Variants in RUBCNL observed in about 807,000 individuals in gnomAD.
The protein encoded by RUBCNL is protein associated with UVRAG as autophagy enhancer.
RUBCNL carries 62 observed loss-of-function variants against 69.5 expected under a neutral mutation model. The observed-to-expected ratio is 0.89, with a 90% CI of 0.73 to 1.10. RUBCNL has a LOEUF of 1.10. Ranked by LOEUF, RUBCNL falls within the 50% of genes least tolerant of loss-of-function variation. RUBCNL has a pLI of 0.00. For synonymous variants in RUBCNL, 291 were observed against 303.6 expected, an observed-to-expected ratio of 0.96 and a Z score of 0.43; for missense variants, 768 against 798.1, an observed-to-expected ratio of 0.96 and a Z score of 0.45.
chr13:46,356,576 A>G (rs998728628), intron 9 of RUBCNL, 80 bp from the exon 10 acceptor site: 1 of 1,211,280 alleles, frequency 8.3e-7, no homozygotes. Context: ...AGAAATTGCC[A>G]TCGTGATACT....
intron 1 of RUBCNL, chr13:46,385,355 C>A (rs1428157740): frequency 1.5e-6 from 1 of 647,314 alleles, no homozygotes; most frequent in Admixed American, 6.3e-5. Context: ...GGAAGATACA[C>A]AATATGACTA....
At chr13:46,344,127 T>C (rs1445820465) in intron 14 of RUBCNL, among the ~76,000 whole-genome samples, 1 of 152,132 alleles carries the variant, frequency 6.6e-6, no homozygotes, top group East Asian at 1.9e-4. Flanking sequence ...CAGAGTCTCT[T>C]TGCTGGGGAG....
At chr13:46,350,061 C>A in intron 11 of RUBCNL, 52 bp downstream of exon 11, 1 of 1,358,258 alleles carries the variant, frequency 7.4e-7, no homozygotes, top group South Asian at 1.3e-5. Context: ...ATGTGCATTT[C>A]CTGCCACAGG....
rs1037561035 is a variant in RUBCNL, at chr13:46,336,421, C to A, written c.*6964G>T. ...TTTGTCATTAGTTTAAATGATCTAT[C>A]ATTTATTTAAAATGATATCTAGTCT... On this transcript the variant is annotated 3_prime_UTR_variant, in exon 15 of 15. Coordinates refer to ENST00000429979, the MANE Select transcript of RUBCNL (RefSeq NM_025113.5). Among the ~76,000 whole-genome samples, 3 of 152,038 alleles carry A rather than the reference C, an allele frequency of 2.0e-5. No homozygotes were observed. Among genetic ancestry groups the A allele is most frequent in the African/African-American group, 4.8e-5 (2 of 41,358 alleles).
chr13:46,363,836 G>A (rs574918279), intron 5 of RUBCNL, among the ~76,000 whole-genome samples: 1 of 150,812 alleles, frequency 6.6e-6, no homozygotes, highest in East Asian at 2.0e-4. Context: ...ACTCCAGCCT[G>A]GGTGACAGAG....
At chr13:46,348,819 G>A (rs2048306938) in intron 12 of RUBCNL, among the ~76,000 whole-genome samples, 1 of 152,090 alleles carries the variant, frequency 6.6e-6, no homozygotes, top group Admixed American at 6.5e-5. Flanking sequence ...GGCCAGGATG[G>A]TCTCGATCTC....
At chr13:46,377,556 C>A (rs1221793586) in intron 2 of RUBCNL, among the ~76,000 whole-genome samples, 1 of 152,194 alleles carries the variant, frequency 6.6e-6, no homozygotes, top group Non-Finnish European at 1.5e-5. Flanking sequence ...GGCCACTGTG[C>A]CTGGCTGATC....
intron 2 of RUBCNL, among the ~76,000 whole-genome samples, chr13:46,376,751 T>G (rs1421726214): frequency 6.6e-6 from 1 of 152,252 alleles, no homozygotes; most frequent in African/African-American, 2.4e-5. Context: ...TAGACCTTTA[T>G]CTATGAATTA....
At position 46,350,336 on chromosome 13, in the gene RUBCNL, A is replaced by G; in HGVS notation, c.1346T>C (p.Leu449Pro). The G allele has an allele frequency of 1.3e-6, 2 of 1,542,796 alleles. No homozygotes were observed. Among genetic ancestry groups the G allele is most frequent in the Non-Finnish European group, 1.8e-6 (2 of 1,139,204 alleles). Reference protein sequence around the residue: ...TPVEPKFVKRLRYCEYLGKYF... With the variant: ...TPVEPKFVKRPRYCEYLGKYF... ...CTTCCCTAGGTATTCGCAGTACCGG[A>G]GCCGCTTCACAAACTCTGCCAAGCA... Residue 449 changes from leucine (L) to proline (P), a missense_variant, in exon 11 of 15, where the codon CTC becomes CCC. Leu to Pro is a moderately conservative substitution (Grantham distance 98, BLOSUM62 -3). Transcript: ENST00000429979.
At chr13:46,370,353 C>T (rs996478592) in intron 3 of RUBCNL, among the ~76,000 whole-genome samples, 6 of 152,226 alleles carry the variant, frequency 3.9e-5, no homozygotes, top group Admixed American at 3.9e-4. Flanking sequence ...TAGTCTTTCC[C>T]TAAAGTATTT....
chr13:46,349,351 A>T lies in RUBCNL; in HGVS notation c.1570-4T>A, dbSNP rs1348419445. 4 of 1,613,500 alleles carry T rather than the reference A, an allele frequency of 2.5e-6. No homozygotes were observed. The South Asian group carries it at 4.4e-5, about 18-fold the overall frequency. On this transcript the variant is annotated splice_region_variant and splice_polypyrimidine_tract_variant and intron_variant, in intron 11 of 14. Transcript: ENST00000429979. Reference sequence around the variant, plus strand: ...GGAAGAGCTGCTCCTGAATTTCCTAATGGGAGAAACCAAACACGGGGAAAA... The same window carrying T: ...GGAAGAGCTGCTCCTGAATTTCCTATTGGGAGAAACCAAACACGGGGAAAA...
chr13:46,387,959 G>T, upstream of RUBCNL: 4 of 621,236 alleles, frequency 6.4e-6, no homozygotes, highest in Non-Finnish European at 8.0e-6. Context: ...TGTGATCCCA[G>T]CACCTACTTT....
At chr13:46,382,804 G>C (rs2049148932) in intron 1 of RUBCNL, among the ~76,000 whole-genome samples, 3 of 152,116 alleles carry the variant, frequency 2.0e-5, no homozygotes, top group Admixed American at 2.0e-4. Flanking sequence ...CAAAGTGCTG[G>C]GATTACAGGC....
Position 46,351,828 on chromosome 13 carries a change from C to CTTT in RUBCNL, c.1331-1480_1331-1478dup, listed in dbSNP as rs57329384. On this transcript the variant is annotated intron_variant, in intron 10 of 14. Transcript: ENST00000429979. ...AAAGAAGGAATTTTTGCTCTTTACA[C>CTTT]TTTTTTTTTTTTTTTTTTGAGAAGG... 5.9e-3 allele frequency among the ~76,000 whole-genome samples: 767 copies of CTTT among 129,766 alleles called. 38 individuals are homozygous for CTTT. In the East Asian group the frequency reaches 0.065, roughly 11 times the overall value. 85.1% of individuals were successfully genotyped at this position (129,766 alleles called of 152,430 possible). A position where few individuals can be genotyped will look rare whatever the true frequency, so the allele number is the denominator to read the frequency against.
At chr13:46,346,466 G>A (rs562123581) in intron 12 of RUBCNL, among the ~76,000 whole-genome samples, 3 of 152,230 alleles carry the variant, frequency 2.0e-5, no homozygotes, top group East Asian at 1.9e-4. Context: ...CCCCCGACAC[G>A]TGTCTAACAC....
In RUBCNL at chr13:46,387,173, C is replaced by T. The variant is rs576462663; in HGVS notation, c.-278G>A. The T allele has an allele frequency of 1.1e-5, 11 of 983,442 alleles. No homozygotes were observed. The South Asian group carries it at 4.3e-4, about 38-fold the overall frequency. The allele number at this position is 983,442 out of a possible 1,614,324, so 60.9% of individuals were successfully genotyped here. On this transcript the variant is annotated 5_prime_UTR_variant, in exon 1 of 15. Coordinates refer to ENST00000429979, the MANE Select transcript of RUBCNL (RefSeq NM_025113.5). ...GCGGTGGAACGCTGCGCTGGGTAAA[C>T]GCCGCGCGTCGGGTCCTCCCTCGCG...
intron 2 of RUBCNL, among the ~76,000 whole-genome samples, chr13:46,376,572 G>A (rs983359269): frequency 7.9e-5 from 12 of 151,788 alleles, no homozygotes; most frequent in East Asian, 3.9e-4. Context: ...ACATCTTTTC[G>A]TCTCCAATAA....
rs184516105 is a variant in RUBCNL at position 46,335,242 on chromosome 13, T to G, written c.*8143A>C. 1.1e-3 allele frequency among the ~76,000 whole-genome samples: 151 copies of G among 142,150 alleles called. No homozygotes were observed. Among genetic ancestry groups the G allele is most frequent in the African/African-American group, 3.5e-3 (130 of 36,718 alleles). 93.3% of individuals were successfully genotyped at this position (142,150 alleles called of 152,430 possible). On this transcript the variant is annotated 3_prime_UTR_variant, in exon 15 of 15. Coordinates refer to ENST00000429979, the MANE Select transcript of RUBCNL (RefSeq NM_025113.5). Reference sequence around the variant, plus strand: ...ATTGTGCCCAGCTAATTTGTGTCTTTTTGTTGTTGTTGTTGTTGTTTTTTT... The same window carrying G: ...ATTGTGCCCAGCTAATTTGTGTCTTGTTGTTGTTGTTGTTGTTGTTTTTTT...
intron 14 of RUBCNL, 96 bp downstream of exon 14, chr13:46,344,644 CT>C (rs1266682899): frequency 1.3e-6 from 1 of 773,230 alleles, no homozygotes; most frequent in African/African-American, 1.7e-5. Context: ...AATTATTAAG[CT>C]ATTATTCAGC....
Sources: gnomAD v4.1 joint callset for allele counts (sites outside exome capture counted in the v4.1 genomes callset) on GRCh38, gnomAD v4.1.1 for gene constraint, MANE v1.5 for transcripts, NCBI Gene and HGNC (gene_info 2026-07-23, HGNC 2026-07-21) for gene names.